Variants in POR observed in about 807,000 individuals in gnomAD.
POR encodes the protein cytochrome p450 oxidoreductase, also known as NADPH--cytochrome P450 reductase.
A neutral mutation model predicts 84.0 loss-of-function variants in POR; 56 were observed. The ratio of observed to expected loss-of-function variants is 0.67; its 90% CI spans 0.54 to 0.83. The LOEUF is 0.83. Ranked by LOEUF, POR falls within the 40% of genes least tolerant of loss-of-function variation. POR has a pLI of 0.00. For synonymous variants in POR, 414 were observed against 400.5 expected (o/e 1.03, Z -0.40); for missense variants, 938 against 944.3 (o/e 0.99, Z 0.09).
intron 2 of POR, among the ~76,000 whole-genome samples, chr7:75,960,919 T>C (rs1336728384): frequency 6.6e-6 from 1 of 152,146 alleles, no homozygotes; most frequent in Non-Finnish European, 1.5e-5. Flanking sequence ...AAAAATATTT[T>C]AATTAGAACA....
At chr7:75,971,838 G>A (rs938624137) in intron 2 of POR, among the ~76,000 whole-genome samples, 2 of 152,080 alleles carry the variant, frequency 1.3e-5, no homozygotes, top group African/African-American at 4.8e-5. Flanking sequence ...ATGCAGGGAG[G>A]GGGTGTGAAT....
Position 75,986,842 on chromosome 7 carries a change from T to G in POR, c.*361T>G, listed in dbSNP as rs782080058. 28 of 572,850 alleles carry G rather than the reference T, an allele frequency of 4.9e-5. No homozygotes were observed. Among genetic ancestry groups the G allele is most frequent in the Non-Finnish European group, 7.4e-5 (24 of 325,738 alleles). The allele number at this position is 572,850 out of a possible 1,614,324, so 35.5% of individuals were successfully genotyped here. Reference sequence around the variant, plus strand: ...ATAACCTCTGGCCCTTGGAATAAAGTTCTGTTTTCTGTATTTGCCTGGTAT... The same window carrying G: ...ATAACCTCTGGCCCTTGGAATAAAGGTCTGTTTTCTGTATTTGCCTGGTAT... On this transcript the variant is annotated 3_prime_UTR_variant, in exon 16 of 16. Transcript: ENST00000461988.
At chr7:75,983,463 A>ACC in intron 8 of POR, 57 bp from the exon 9 acceptor site, 1 of 1,258,784 alleles carries the variant, frequency 7.9e-7, no homozygotes, top group Non-Finnish European at 1.2e-6. Flanking sequence ...GTCCTTGGAG[A>ACC]CGGAGACTCA....
intron 1 of POR, chr7:75,923,485 C>G (rs1585083481): frequency 2.0e-6 from 1 of 510,076 alleles, no homozygotes; most frequent in African/African-American, 1.9e-5. Context: ...TATCAATGAA[C>G]TGGAAGCTTG....
intron 1 of POR, chr7:75,946,948 G>C (rs1230724381): frequency 2.6e-5 from 4 of 152,208 alleles, no homozygotes; most frequent in African/African-American, 7.2e-5. Context: ...CTCCCAAACT[G>C]TGCCAGGGCA....
chr7:75,919,367 C>T (rs1436496533), intron 1 of POR, among the ~76,000 whole-genome samples: 1 of 146,180 alleles, frequency 6.8e-6, no homozygotes, highest in Non-Finnish European at 1.5e-5. Flanking sequence ...ACACGCCTGT[C>T]TGCATCTGTG....
intron 2 of POR, among the ~76,000 whole-genome samples, chr7:75,959,300 A>G (rs1054438648): frequency 1.3e-5 from 2 of 152,134 alleles, no homozygotes; most frequent in Admixed American, 6.6e-5. Context: ...ATCCCACATC[A>G]GTGTCCCTGG....
At chr7:75,957,672 A>G (rs554426714) in intron 2 of POR, among the ~76,000 whole-genome samples, 1 of 152,120 alleles carries the variant, frequency 6.6e-6, no homozygotes, top group Non-Finnish European at 1.5e-5. Flanking sequence ...GTCCCAAAGC[A>G]CTTGTATTTT....
At chr7:75,970,046 G>A (rs1554555905) in intron 2 of POR, among the ~76,000 whole-genome samples, 1 of 152,176 alleles carries the variant, frequency 6.6e-6, no homozygotes, top group Non-Finnish European at 1.5e-5. Context: ...GGGGTCACAG[G>A]AAGGGCCTTG....
intron 1 of POR, chr7:75,918,708 T>A (rs1426618319): frequency 6.6e-6 from 1 of 152,160 alleles, no homozygotes; most frequent in Non-Finnish European, 1.5e-5. Flanking sequence ...CACGGTGTGT[T>A]GCATTCATTC....
At chr7:75,921,979 T>A (rs185131649) in intron 1 of POR, among the ~76,000 whole-genome samples, 6,216 of 152,284 alleles carry the variant, frequency 0.041, 415 homozygotes, top group African/African-American at 0.14. Flanking sequence ...AGTGCTGGGA[T>A]AATAGGCAGG....
chr7:75,980,982 C>T (rs112397226), intron 5 of POR, 66 bp from the exon 6 acceptor site: 29 of 1,483,186 alleles, frequency 2.0e-5, no homozygotes, highest in African/African-American at 1.1e-4. Flanking sequence ...CCCGCCCTGC[C>T]CCCATGGCCC....
In POR at chr7:75,986,513, C is replaced by T. The variant is rs1554559544; in HGVS notation, c.*32C>T. 6.3e-7 allele frequency: 1 copy of T among 1,597,890 alleles called. No individual in the cohort carries two copies. The highest frequency in any genetic ancestry group is 1.3e-5 in the African/African-American group (1 of 74,792). On this transcript the variant is annotated 3_prime_UTR_variant, in exon 16 of 16. Transcript: ENST00000461988. ...GCCTGCCCCACCCACCCCACAGACT[C>T]CGGCCTGTAATCAGCTCTCCTGGCT...
intron 3 of POR, 143 bp from the exon 4 acceptor site, chr7:75,979,308 G>A (rs1788870678): frequency 2.1e-6 from 2 of 971,930 alleles, no homozygotes; most frequent in East Asian, 2.7e-5. Flanking sequence ...GCAAGTCCCA[G>A]AGGAACTTAG....
intron 1 of POR, among the ~76,000 whole-genome samples, chr7:75,943,193 C>T (rs782694736): frequency 2.0e-5 from 3 of 152,070 alleles, no homozygotes; most frequent in East Asian, 1.9e-4. Context: ...CCTTGTGATC[C>T]GCCTGCCTCG....
chr7:75,930,656 G>A (rs2116269879), intron 1 of POR, among the ~76,000 whole-genome samples: 1 of 152,074 alleles, frequency 6.6e-6, no homozygotes, highest in Admixed American at 6.6e-5. Context: ...CCAAGTAGCT[G>A]GAATTACAAG....
intron 3 of POR, among the ~76,000 whole-genome samples, chr7:75,978,318 G>A (rs1443912964): frequency 1.3e-5 from 2 of 152,174 alleles, no homozygotes; most frequent in Non-Finnish European, 2.9e-5. Context: ...AAAATGGATT[G>A]TTGTGTCTGT....
intron 1 of POR, among the ~76,000 whole-genome samples, chr7:75,936,086 C>CTTTTTTTTT (rs869164954): frequency 4.1e-4 from 41 of 99,786 alleles, no homozygotes; most frequent in South Asian, 6.8e-4. Flanking sequence ...TTCTTTCTTT[C>CTTTTTTTTT]TTTTTTTTTT....
chr7:75,946,592 A>T (rs1787184158), intron 1 of POR, among the ~76,000 whole-genome samples: 1 of 152,064 alleles, frequency 6.6e-6, no homozygotes, highest in African/African-American at 2.4e-5. Flanking sequence ...CCAGCTCTGT[A>T]CCTAATTTTA....
Sources: gnomAD v4.1 joint callset for allele counts (sites outside exome capture counted in the v4.1 genomes callset) on GRCh38, gnomAD v4.1.1 for gene constraint, MANE v1.5 for transcripts, NCBI Gene and HGNC (gene_info 2026-07-23, HGNC 2026-07-21) for gene names.